MIA3: variants seen among roughly 807,000 people sequenced by gnomAD.
The protein encoded by MIA3 is MIA SH3 domain ER export factor 3, also known as transport and Golgi organization protein 1 homolog.
A neutral mutation model predicts 192.4 loss-of-function variants in MIA3; 90 were observed. The observed-to-expected ratio is 0.47, with a 90% confidence interval of 0.39 to 0.56. The LOEUF (loss-of-function observed/expected upper bound fraction) is 0.56. Among genes scored for constraint, MIA3 ranks in the 20% least tolerant of loss-of-function variants. The pLI is 0.00. For synonymous variants in MIA3, 740 were observed against 792.8 expected, an observed-to-expected ratio of 0.93 and a Z score of 1.12; for missense variants, 2,123 against 2,269.4, an observed-to-expected ratio of 0.94 and a Z score of 1.31.
chr1:222,632,323 C>G lies in MIA3; in HGVS notation c.3328C>G (p.Pro1110Ala). 1 of 1,605,424 alleles carries G rather than the reference C, an allele frequency of 6.2e-7. No homozygotes were observed. The highest frequency in any genetic ancestry group is 8.5e-7 in the Non-Finnish European group (1 of 1,177,470). Residue 1110 changes from proline to alanine, a missense_variant, in exon 5 of 28, where the codon CCA (proline) becomes GCA (alanine). Pro to Ala is a conservative substitution (Grantham distance 27). Around this residue, in one of 3 missense-constraint regions of MIA3, gnomAD observed 1,357 missense variants for 1,396.1 expected, o/e 0.97. Coordinates refer to ENST00000344922, the MANE Select transcript of MIA3 (RefSeq NM_198551.4). ...QKPNTEKDLD[P>A]GPVTTEDTPM... Reference sequence around the variant, plus strand: ...GCCAAATACTGAGAAAGACCTGGACCCAGGTAAAGCCTGCTAATTTTTTTC... The same window carrying G: ...GCCAAATACTGAGAAAGACCTGGACGCAGGTAAAGCCTGCTAATTTTTTTC...
At chr1:222,641,791 A>C in intron 6 of MIA3, 1 of 555,000 alleles carries the variant, frequency 1.8e-6, no homozygotes, top group Non-Finnish European at 3.6e-6. Flanking sequence ...CAAGAACTCC[A>C]TTTCCTGGTC....
At chr1:222,651,827 C>G in intron 11 of MIA3, 150 bp from the exon 12 acceptor site, 1 of 644,620 alleles carries the variant, frequency 1.6e-6, no homozygotes, top group Non-Finnish European at 2.8e-6. Flanking sequence ...TTGATTTTTC[C>G]CGAGGGCAAA....
rs748176425 is a variant in MIA3 at position 222,665,640 on chromosome 1, C to T, written c.*21C>T. On this transcript the variant is annotated 3_prime_UTR_variant, in exon 28 of 28. Transcript: ENST00000344922. ...CATAAAACTATGACCTCTGAGGTTT[C>T]ATTGGAAAGAAAGTGTACTGTGCAT... The T allele has an allele frequency of 6.5e-7, 1 of 1,537,994 alleles. No individual in the cohort carries two copies. Among genetic ancestry groups the T allele is most frequent in the Non-Finnish European group, 8.7e-7 (1 of 1,143,238 alleles).
intron 3 of MIA3, among the ~76,000 whole-genome samples, chr1:222,626,489 T>C (rs1662124633): frequency 6.6e-6 from 1 of 152,192 alleles, no homozygotes; most frequent in Non-Finnish European, 1.5e-5. Context: ...ATTGTGAATG[T>C]TTAGTTAGGG....
intron 11 of MIA3, among the ~76,000 whole-genome samples, chr1:222,651,646 A>G (rs1192540349): frequency 1.1e-5 from 1 of 94,830 alleles, no homozygotes; most frequent in African/African-American, 2.6e-5. Flanking sequence ...CTCTTGCCAC[A>G]AGAAAAAAAA....
At chr1:222,625,604 GAA>G (rs1332627884) in intron 3 of MIA3, among the ~76,000 whole-genome samples, 2 of 152,208 alleles carry the variant, frequency 1.3e-5, no homozygotes, top group Non-Finnish European at 2.9e-5. Flanking sequence ...TTGGAAAAGG[GAA>G]CCAGAGAGTT....
chr1:222,657,032 A>G (rs1490246707), intron 18 of MIA3, among the ~76,000 whole-genome samples: 1 of 152,140 alleles, frequency 6.6e-6, no homozygotes, highest in Non-Finnish European at 1.5e-5. Context: ...TTGTGATTAC[A>G]TTGTCTTGTC....
intron 7 of MIA3, chr1:222,647,812 T>G (rs1663222767): frequency 6.3e-6 from 2 of 315,858 alleles, no homozygotes; most frequent in Non-Finnish European, 1.3e-5. Context: ...GGCCATGACA[T>G]TAGAGAGATA....
rs183570309 is a variant in MIA3 at position 222,642,616 on chromosome 1, T to C, written c.3478-2938T>C. ...AGTCAGTAGGTAAATACACAAGTTA[T>C]TTCAGGAGACGTTGCCAAATCATAG... On this transcript the variant is annotated intron_variant, in intron 6 of 27. Transcript: ENST00000344922. Among the ~76,000 whole-genome samples the C allele has an allele frequency of 2.2e-4, 34 of 152,324 alleles. No individual in the cohort carries two copies. In the South Asian group the frequency reaches 4.1e-3, roughly 19 times the overall value.
At position 222,665,887 on chromosome 1, in the gene MIA3, G is replaced by A. The variant is rs1664259529; in HGVS notation, c.*268G>A. On this transcript the variant is annotated 3_prime_UTR_variant, in exon 28 of 28. Transcript: ENST00000344922. ...CTGTGTTTTAGCTAATGTAGCATAT[G>A]TAATTGCAAAATGATTTAGAATGTC... The A allele has an allele frequency of 6.4e-6, 2 of 313,530 alleles. No homozygotes were observed. Among genetic ancestry groups the A allele is most frequent in the East Asian group, 1.1e-4 (2 of 18,966 alleles). The allele number at this position is 313,530 out of a possible 1,614,324, so 19.4% of individuals were successfully genotyped here.
At position 222,630,286 on chromosome 1, in the gene MIA3, A is replaced by G. The variant is rs1043748840; in HGVS notation, c.3066A>G (p.Gln1022=). The G allele has an allele frequency of 1.9e-6, 3 of 1,614,138 alleles. No individual in the cohort carries two copies. Among genetic ancestry groups the G allele is most frequent in the Non-Finnish European group, 2.5e-6 (3 of 1,180,048 alleles). ...AGGCTGCAGTGCTTGATGACATTCA[A>G]GACCTCATCTATTTTGTCAGGTACA... ...FEEAAVLDDI[Q]DLIYFVRYKH... Residue 1022 remains glutamine, a synonymous_variant, in exon 4 of 28, where the codon CAA becomes CAG. Coordinates refer to ENST00000344922, the MANE Select transcript of MIA3 (RefSeq NM_198551.4).
chr1:222,662,123 T>C lies in MIA3; in HGVS notation c.5181T>C (p.Ser1727=), dbSNP rs755354909. The change falls in exon 25 of 28, where the codon TCT becomes TCC. Residue 1727 remains serine, a splice_region_variant and synonymous_variant. Transcript: ENST00000344922. ...SAEASGKPSP[S]DPGSGTATMM... ...AGGCATCTGGGAAACCCTCTCCTTC[T>C]GGTAAGGGAGCAAGAGTGTTCAAAG... 11 of 1,613,752 alleles carry C rather than the reference T, an allele frequency of 6.8e-6. No homozygotes were observed. In the African/African-American group the frequency reaches 1.5e-4, roughly 22 times the overall value.
At position 222,629,219 on chromosome 1, in the gene MIA3, G is replaced by T; in HGVS notation, c.1999G>T (p.Ala667Ser). The part of the protein sequence containing the change: ...WQQERDVAAT[A>S]SKQMSEKIRL... ...ACAAGAAAGAGATGTGGCTGCCACA[G>T]CCAGTAAGCAAATGAGTGAGAAGAT... The change falls in exon 4 of 28, where the codon GCC (alanine) becomes TCC (serine). Residue 667 changes from alanine to serine, a missense_variant. Ala to Ser is a moderately conservative substitution (Grantham distance 99). This residue lies in a region of MIA3 where 1,357 missense variants were observed against 1,396.1 expected (regional missense o/e 0.97). Transcript: ENST00000344922. The T allele has an allele frequency of 6.2e-7, 1 of 1,614,222 alleles. No individual in the cohort carries two copies. Among genetic ancestry groups the T allele is most frequent in the Non-Finnish European group, 8.5e-7 (1 of 1,180,038 alleles).
At chr1:222,644,445 A>G (rs940433893) in intron 6 of MIA3, 43 of 1,550,226 alleles carry the variant, frequency 2.8e-5, no homozygotes, top group Non-Finnish European at 3.5e-5. Context: ...TTCCGCAGGG[A>G]ATTGTCGCTT....
chr1:222,633,249 G>A lies in MIA3; in HGVS notation c.3477G>A (p.Ser1159=), dbSNP rs757865818. The A allele has an allele frequency of 3.1e-6, 5 of 1,597,664 alleles. No homozygotes were observed. Among genetic ancestry groups the A allele is most frequent in the African/African-American group, 2.7e-5 (2 of 74,016 alleles). ...IYSFMFYLTK[S]LVATLPDDVQ... ...CATTCATGTTTTATTTAACTAAGTCGGTAAGTTTAACATAGTTTTTTTTTA... is the reference window on the plus strand; with the variant it reads ...CATTCATGTTTTATTTAACTAAGTCAGTAAGTTTAACATAGTTTTTTTTTA... Residue 1159 remains serine, a splice_region_variant and synonymous_variant, in exon 6 of 28, where the codon TCG becomes TCA. Transcript: ENST00000344922.
At chr1:222,622,796 C>T (rs954892813) in intron 2 of MIA3, among the ~76,000 whole-genome samples, 6 of 152,174 alleles carry the variant, frequency 3.9e-5, no homozygotes, top group African/African-American at 1.4e-4. Context: ...ACATTTTCCT[C>T]CCACTGCAGT....
At chr1:222,623,298 A>G (rs1661962219) in intron 2 of MIA3, among the ~76,000 whole-genome samples, 1 of 151,298 alleles carries the variant, frequency 6.6e-6, no homozygotes. Flanking sequence ...TTTTTGGTCA[A>G]ATCATAAGAA....
intron 8 of MIA3, 64 bp from the exon 9 acceptor site, chr1:222,650,228 T>C (rs1558189741): frequency 1.1e-6 from 1 of 886,570 alleles, no homozygotes; most frequent in Admixed American, 1.9e-5. Flanking sequence ...TTGCTGCTGA[T>C]ACATTGGGTA....
chr1:222,626,856 C>T (rs897268333), intron 3 of MIA3, among the ~76,000 whole-genome samples: 5 of 152,326 alleles, frequency 3.3e-5, no homozygotes, highest in Middle Eastern at 3.4e-3. Flanking sequence ...GAGAGCCTGA[C>T]AGCCAGGTGA....
Sources: gnomAD v4.1 joint callset for allele counts (sites outside exome capture counted in the v4.1 genomes callset) on GRCh38, gnomAD v4.1.1 for gene constraint, gnomAD v4.1.1 regional missense constraint, MANE v1.5 for transcripts, NCBI Gene and HGNC (gene_info 2026-07-23, HGNC 2026-07-21) for gene names.